SLC8A1: variants seen among roughly 807,000 people sequenced by gnomAD.
SLC8A1 encodes sodium/calcium exchanger 1.
SLC8A1 carries 18 observed loss-of-function variants against 68.3 expected under a neutral mutation model. That is an observed-to-expected ratio of 0.26 (90% CI 0.18 to 0.39). The LOEUF is 0.39. Among genes scored for constraint, SLC8A1 ranks in the 10% least tolerant of loss-of-function variants. The pLI, the probability that SLC8A1 is intolerant of heterozygous loss-of-function variation, is 1.00. For synonymous variants in SLC8A1, 475 were observed against 415.5 expected, an observed-to-expected ratio of 1.14 and a Z score of -1.74; for missense variants, 985 against 1,156.7, an observed-to-expected ratio of 0.85 and a Z score of 2.15.
At chr2:40,108,462 A>G (rs996125525) in exon 8 of SLC8A1, 2 of 152,126 alleles carry the variant, frequency 1.3e-5, no homozygotes, top group Non-Finnish European at 2.9e-5. Flanking sequence ...TAGTTAACAC[A>G]TTTTTGTGCC....
intron 5 of SLC8A1, among the ~76,000 whole-genome samples, chr2:40,163,790 C>T: frequency 6.6e-6 from 1 of 152,170 alleles, no homozygotes; most frequent in East Asian, 1.9e-4. Flanking sequence ...AAATATTCCA[C>T]TTTAATTTCA....
At chr2:40,441,532 T>A (rs1700484518) in intron 1 of SLC8A1, among the ~76,000 whole-genome samples, 1 of 152,040 alleles carries the variant, frequency 6.6e-6, no homozygotes, top group Admixed American at 6.6e-5. Context: ...AAGACTACAG[T>A]AATCAAAACA....
intron 4 of SLC8A1, among the ~76,000 whole-genome samples, chr2:40,167,062 T>C (rs2046669765): frequency 2.6e-5 from 4 of 152,358 alleles, no homozygotes; most frequent in African/African-American, 9.6e-5. Flanking sequence ...CATTGTTAAG[T>C]GCAGCATTTC....
chr2:40,259,232 C>A (rs1055290385), intron 2 of SLC8A1, among the ~76,000 whole-genome samples: 3 of 149,982 alleles, frequency 2.0e-5, no homozygotes, highest in African/African-American at 7.4e-5. Context: ...TGAGCTGGAC[C>A]ACTTCCAAGG....
chr2:40,311,705 G>C (rs923188910), intron 2 of SLC8A1, among the ~76,000 whole-genome samples: 1 of 151,636 alleles, frequency 6.6e-6, no homozygotes, highest in Non-Finnish European at 1.5e-5. Flanking sequence ...TTGTTGTTTT[G>C]TTCTCTTTAT....
exon 8 of SLC8A1, chr2:40,112,182 C>T (rs554294467): frequency 6.6e-6 from 1 of 152,362 alleles, no homozygotes; most frequent in East Asian, 1.9e-4. Flanking sequence ...AACATGAAAA[C>T]AAAAAATGAA....
At chr2:40,494,289 T>C (rs1705529239) in intron 1 of SLC8A1, among the ~76,000 whole-genome samples, 1 of 152,046 alleles carries the variant, frequency 6.6e-6, no homozygotes. Flanking sequence ...AAATAAACTC[T>C]GGCTTCCAAA....
chr2:40,131,858 ATTTTTT>A (rs71404277), intron 7 of SLC8A1, among the ~76,000 whole-genome samples: 149 of 95,556 alleles, frequency 1.6e-3, no homozygotes, highest in Middle Eastern at 7.7e-3. Flanking sequence ...TTGGTATTCT[ATTTTTT>A]TTTTTTTTTT....
intron 6 of SLC8A1, among the ~76,000 whole-genome samples, chr2:40,141,327 T>C (rs1406361617): frequency 1.3e-5 from 2 of 152,056 alleles, no homozygotes; most frequent in African/African-American, 2.4e-5. Context: ...TCAGAAAACA[T>C]CTAAAGAGGA....
intron 2 of SLC8A1, among the ~76,000 whole-genome samples, chr2:40,277,618 G>T (rs905764792): frequency 8.6e-5 from 13 of 151,404 alleles, no homozygotes; most frequent in South Asian, 2.1e-4. Flanking sequence ...AAAATTAGGT[G>T]GAATAATCAC....
chr2:40,119,205 A>G (rs951625873), intron 7 of SLC8A1, among the ~76,000 whole-genome samples: 1 of 152,172 alleles, frequency 6.6e-6, no homozygotes, highest in Non-Finnish European at 1.5e-5. Flanking sequence ...CTAAGAGTTA[A>G]TAGCCAAAGT....
At chr2:40,178,290 G>T in intron 2 of SLC8A1, 97 bp downstream of exon 3, 2 of 878,976 alleles carry the variant, frequency 2.3e-6, no homozygotes, top group Non-Finnish European at 3.8e-6. Flanking sequence ...GTGGAGGGAT[G>T]TGTGCATTGT....
intron 2 of SLC8A1, among the ~76,000 whole-genome samples, chr2:40,396,073 C>T (rs1364011433): frequency 6.6e-6 from 1 of 152,056 alleles, no homozygotes; most frequent in East Asian, 1.9e-4. Context: ...GATAATACTT[C>T]CTGAAAACTT....
intron 2 of SLC8A1, among the ~76,000 whole-genome samples, chr2:40,275,152 T>C (rs1292032925): frequency 1.3e-5 from 2 of 152,224 alleles, no homozygotes; most frequent in African/African-American, 4.8e-5. Context: ...GTTGAAGCTG[T>C]TGTATTGCAG....
intron 2 of SLC8A1, among the ~76,000 whole-genome samples, chr2:40,194,468 A>AATGTGTGTGTGTGTGTGT (rs1198096010): frequency 7.1e-5 from 9 of 126,636 alleles, no homozygotes; most frequent in African/African-American, 3.0e-4. Context: ...CTCAGTAAGC[A>AATGTGTGTGTGTGTGTGT]ATGTGTGTGT....
At chr2:40,325,395 G>T (rs1486771288) in intron 2 of SLC8A1, among the ~76,000 whole-genome samples, 1 of 152,114 alleles carries the variant, frequency 6.6e-6, no homozygotes, top group Non-Finnish European at 1.5e-5. Context: ...CAAACCAGTG[G>T]AGCAGATAAA....
At chr2:40,419,598 C>T (rs908518620) in intron 2 of SLC8A1, among the ~76,000 whole-genome samples, 2 of 152,046 alleles carry the variant, frequency 1.3e-5, no homozygotes, top group Non-Finnish European at 2.9e-5. Context: ...ATATACAAAT[C>T]CCAGGAACAC....
upstream of SLC8A1, among the ~76,000 whole-genome samples, chr2:40,454,899 A>T (rs1375994758): frequency 1.3e-5 from 2 of 152,240 alleles, no homozygotes; most frequent in Non-Finnish European, 2.9e-5. Flanking sequence ...AGGCTGCTGC[A>T]GTCTGTGGCT....
chr2:40,344,007 T>C (rs1225478434), intron 2 of SLC8A1, among the ~76,000 whole-genome samples: 1 of 152,078 alleles, frequency 6.6e-6, no homozygotes, highest in Non-Finnish European at 1.5e-5. Context: ...GTTCACAGCT[T>C]TATGAGCAAG....
Sources: allele counts gnomAD v4.1 joint callset (sites outside exome capture counted in the v4.1 genomes callset), GRCh38; gene constraint gnomAD v4.1.1; transcripts MANE v1.5; gene names NCBI Gene and HGNC (gene_info 2026-07-23, HGNC 2026-07-21).